The following GABRG3 variants were observed in gnomAD, a reference collection of about 807,000 sequenced individuals.
The protein encoded by GABRG3 is gamma-aminobutyric acid type A receptor subunit gamma3, also known as gamma-aminobutyric acid receptor subunit gamma-3.
A neutral mutation model predicts 48.8 loss-of-function variants in GABRG3; 25 were observed. The ratio of observed to expected loss-of-function variants is 0.51; its 90% CI spans 0.37 to 0.72. The LOEUF (loss-of-function observed/expected upper bound fraction) is 0.72, where lower values mean the gene tolerates loss of function less well. Ranked by LOEUF, GABRG3 falls within the 30% of genes least tolerant of loss-of-function variation. The pLI, the probability that GABRG3 is intolerant of heterozygous loss-of-function variation, is 0.00. For missense variants in GABRG3, 394 were observed against 577.9 expected, an observed-to-expected ratio of 0.68 and a Z score of 3.26; for synonymous variants, 227 against 217.6, an observed-to-expected ratio of 1.04 and a Z score of -0.38.
chr15:27,076,441 A>T (rs896318651), intron 3 of GABRG3, among the ~76,000 whole-genome samples: 4 of 149,338 alleles, frequency 2.7e-5, no homozygotes, highest in African/African-American at 9.9e-5. Flanking sequence ...CTCCTGCCTC[A>T]GCCTCCTGAG....
At chr15:27,112,800 C>A (rs1419880580) in intron 3 of GABRG3, among the ~76,000 whole-genome samples, 2 of 152,176 alleles carry the variant, frequency 1.3e-5, no homozygotes, top group African/African-American at 2.4e-5. Flanking sequence ...TGTGGACACC[C>A]TATCAATCAG....
intron 3 of GABRG3, among the ~76,000 whole-genome samples, chr15:27,177,493 G>A (rs1887784143): frequency 6.6e-6 from 1 of 152,202 alleles, no homozygotes; most frequent in Non-Finnish European, 1.5e-5. Context: ...TACAAAGGTG[G>A]TTTTAGCCCC....
At chr15:27,197,012 G>A (rs935922971) in intron 3 of GABRG3, among the ~76,000 whole-genome samples, 5 of 152,158 alleles carry the variant, frequency 3.3e-5, no homozygotes, top group South Asian at 2.1e-4. Flanking sequence ...AATAAAAGGC[G>A]GATGTCACAC....
At chr15:27,209,599 C>A (rs1307846270) in intron 3 of GABRG3, among the ~76,000 whole-genome samples, 1 of 152,186 alleles carries the variant, frequency 6.6e-6, no homozygotes, top group African/African-American at 2.4e-5. Context: ...CACACATGAG[C>A]CCATTCCCTT....
rs34984550 is a variant in GABRG3, at chr15:26,976,269, C to G, written c.54-733C>G. On this transcript the variant is annotated intron_variant, in intron 1 of 9. Transcript: ENST00000615808. The surrounding 1 kb of genome is among the most constrained non-coding windows in gnomAD (Gnocchi z 7.8). ...AGATGCCCAGGCATTCACTGAGACT[C>G]ATTTACTAAGAAGTCAGAATGTTGA... 0.15 allele frequency among the ~76,000 whole-genome samples: 23,197 copies of G among 152,244 alleles called. 2,354 individuals are homozygous for G. The highest frequency in any genetic ancestry group is 0.21 in the Admixed American group (3,233 of 15,296).
At position 27,274,673 on chromosome 15, in the gene GABRG3, C is replaced by G. The variant is rs575626460; in HGVS notation, c.271-52136C>G. 8.5e-5 allele frequency among the ~76,000 whole-genome samples: 13 copies of G among 152,254 alleles called. No individual in the cohort carries two copies. The South Asian group carries it at 1.4e-3, about 17-fold the overall frequency. On this transcript the variant is annotated intron_variant, in intron 3 of 9. Coordinates refer to ENST00000615808, the MANE Select transcript of GABRG3 (RefSeq NM_033223.5). ...CAAACCATATCCAAACCATAGCAAC[C>G]CTCAAGACTCACCCACTCCTCCATG...
intron 5 of GABRG3, among the ~76,000 whole-genome samples, chr15:27,451,712 G>A (rs1889117796): frequency 6.6e-6 from 1 of 152,120 alleles, no homozygotes; most frequent in African/African-American, 2.4e-5. Context: ...CTAAAAACCT[G>A]CACAGCAAAG....
chr15:27,248,602 T>TG (rs1314207844), intron 3 of GABRG3, among the ~76,000 whole-genome samples: 1 of 152,182 alleles, frequency 6.6e-6, no homozygotes, highest in Non-Finnish European at 1.5e-5. Context: ...TTAAATGCTC[T>TG]GTCAGCCTGT....
chr15:27,297,442 G>T (rs1015297854), intron 3 of GABRG3, among the ~76,000 whole-genome samples: 1 of 152,018 alleles, frequency 6.6e-6, no homozygotes. Context: ...ACCTATACAG[G>T]TGTAGCATTT....
intron 5 of GABRG3, among the ~76,000 whole-genome samples, chr15:27,440,410 A>C (rs1888749318): frequency 6.6e-6 from 1 of 152,200 alleles, no homozygotes; most frequent in East Asian, 1.9e-4. Flanking sequence ...CATATTGGTG[A>C]ACCATTTGCG....
intron 3 of GABRG3, among the ~76,000 whole-genome samples, chr15:27,101,361 A>G (rs544260263): frequency 7.9e-5 from 12 of 152,346 alleles, no homozygotes; most frequent in African/African-American, 2.6e-4. Context: ...GGAAGATTTA[A>G]CATAGTAAAG....
chr15:27,511,908 G>A (rs1287692078), intron 6 of GABRG3, among the ~76,000 whole-genome samples: 1 of 152,192 alleles, frequency 6.6e-6, no homozygotes, highest in Non-Finnish European at 1.5e-5. Flanking sequence ...AGCAACGCTG[G>A]AGATTTGTGG....
At chr15:26,984,016 C>T (rs1489831161) in intron 2 of GABRG3, among the ~76,000 whole-genome samples, 1 of 152,114 alleles carries the variant, frequency 6.6e-6, no homozygotes, top group African/African-American at 2.4e-5. Flanking sequence ...GTTGTCGCCC[C>T]CTACAGGAAG....
At chr15:27,377,168 A>G (rs1198587120) in intron 5 of GABRG3, among the ~76,000 whole-genome samples, 4 of 152,162 alleles carry the variant, frequency 2.6e-5, no homozygotes, top group South Asian at 2.1e-4. Context: ...TCTCATCTCC[A>G]TCTGAAACCA....
intron 2 of GABRG3, among the ~76,000 whole-genome samples, chr15:27,006,224 CAG>C (rs1465754244): frequency 1.3e-5 from 2 of 151,706 alleles, no homozygotes; most frequent in Admixed American, 6.6e-5. Flanking sequence ...GTTTTTGAGA[CAG>C]GGTCTCGCTT....
At chr15:27,252,024 C>T (rs1470511841) in intron 3 of GABRG3, among the ~76,000 whole-genome samples, 7 of 152,140 alleles carry the variant, frequency 4.6e-5, no homozygotes, top group African/African-American at 7.2e-5. Flanking sequence ...CAGATGTGCC[C>T]GCTGGAAAAA....
intron 5 of GABRG3, among the ~76,000 whole-genome samples, chr15:27,348,414 A>C (rs1894450780): frequency 6.6e-6 from 1 of 152,304 alleles, no homozygotes; most frequent in South Asian, 2.1e-4. Context: ...GACAGTTTTA[A>C]GTGCTATATT....
chr15:27,387,919 GGAGGGAGGGAGGGAGGGAAGGAGGGAAA>G (rs1895985335), intron 5 of GABRG3, among the ~76,000 whole-genome samples: 2 of 49,458 alleles, frequency 4.0e-5, no homozygotes, highest in East Asian at 7.4e-4. Flanking sequence ...AAGGAGGGAA[GGAGGGAGGGAGGGAGGGAAGGAGGGAAA>G]GAGGGAGGGA....
chr15:27,003,442 T>G (rs944964208), intron 2 of GABRG3, among the ~76,000 whole-genome samples: 2 of 151,160 alleles, frequency 1.3e-5, no homozygotes, highest in Non-Finnish European at 3.0e-5. Flanking sequence ...GCATGCTGCC[T>G]TCAAGCATCT....
Sources: gnomAD v4.1 joint callset for allele counts (sites outside exome capture counted in the v4.1 genomes callset) on GRCh38, gnomAD v4.1.1 for gene constraint, Gnocchi (gnomAD v3.1) non-coding constraint, MANE v1.5 for transcripts, NCBI Gene and HGNC (gene_info 2026-07-23, HGNC 2026-07-21) for gene names.